The following EYA2 variants were observed in gnomAD, a reference collection of about 807,000 sequenced individuals.
EYA2 encodes the protein EYA transcriptional coactivator and phosphatase 2, also known as protein phosphatase EYA2.
Under a neutral mutation model 69.2 loss-of-function variants are expected in EYA2, and 31 were observed. The ratio of observed to expected loss-of-function variants is 0.45; its 90% CI spans 0.34 to 0.60. The LOEUF (loss-of-function observed/expected upper bound fraction) is 0.60. Among genes scored for constraint, EYA2 ranks in the 20% least tolerant of loss-of-function variants. The pLI, the probability that EYA2 is intolerant of heterozygous loss-of-function variation, is 0.02. For missense variants in EYA2, 622 were observed against 701.2 expected, an observed-to-expected ratio of 0.89 and a Z score of 1.28; for synonymous variants, 257 against 279.4, an observed-to-expected ratio of 0.92 and a Z score of 0.80.
intron 2 of EYA2, among the ~76,000 whole-genome samples, chr20:46,999,351 AC>A (rs1188857542): frequency 6.6e-6 from 1 of 152,076 alleles, no homozygotes; most frequent in Non-Finnish European, 1.5e-5. Flanking sequence ...GGTACAGGAC[AC>A]CCCGCCTAGG....
At chr20:46,978,681 A>G in intron 1 of EYA2, 1 of 534,636 alleles carries the variant, frequency 1.9e-6, no homozygotes, top group South Asian at 1.4e-5. Flanking sequence ...TGCTGCACAG[A>G]GAACAAACTG....
intron 5 of EYA2, among the ~76,000 whole-genome samples, chr20:47,024,990 C>A (rs1983995664): frequency 6.6e-6 from 1 of 152,168 alleles, no homozygotes; most frequent in Non-Finnish European, 1.5e-5. Context: ...GCCCTATCTT[C>A]TTCCTCTTCC....
At chr20:46,963,390 C>G (rs755083850) in intron 1 of EYA2, among the ~76,000 whole-genome samples, 2 of 152,220 alleles carry the variant, frequency 1.3e-5, no homozygotes, top group African/African-American at 2.4e-5. Context: ...TGAGTAGCTG[C>G]TGTGTGCCAG....
intron 1 of EYA2, among the ~76,000 whole-genome samples, chr20:46,897,429 G>T (rs1426507552): frequency 6.6e-6 from 1 of 152,210 alleles, no homozygotes; most frequent in Non-Finnish European, 1.5e-5. Context: ...CCACAAAGAA[G>T]AAACCGTTTC....
intron 1 of EYA2, among the ~76,000 whole-genome samples, chr20:46,959,569 C>T (rs1230617251): frequency 1.3e-5 from 2 of 152,212 alleles, no homozygotes; most frequent in Non-Finnish European, 1.5e-5. Flanking sequence ...CCACGGCATC[C>T]TCCTCAGCTT....
intron 12 of EYA2, among the ~76,000 whole-genome samples, chr20:47,175,497 C>T (rs2034408823): frequency 6.6e-6 from 1 of 152,122 alleles, no homozygotes; most frequent in Admixed American, 6.6e-5. Flanking sequence ...TGGTAGATGG[C>T]TAATAGTGTC....
At chr20:46,994,802 A>C (rs1254470517) in intron 2 of EYA2, among the ~76,000 whole-genome samples, 1 of 152,100 alleles carries the variant, frequency 6.6e-6, no homozygotes, top group East Asian at 1.9e-4. Context: ...CTCCACAGGT[A>C]AAGAGCTTCC....
intron 1 of EYA2, among the ~76,000 whole-genome samples, chr20:46,981,899 A>G (rs1980856533): frequency 9.2e-6 from 1 of 108,558 alleles, no homozygotes; most frequent in South Asian, 2.6e-4. Flanking sequence ...GTTTGCATTT[A>G]CTGTAACTAA....
At chr20:47,064,524 T>C (rs540203265) in intron 5 of EYA2, among the ~76,000 whole-genome samples, 1 of 152,366 alleles carries the variant, frequency 6.6e-6, no homozygotes, top group Admixed American at 6.5e-5. Flanking sequence ...CTGAGTCATA[T>C]GGTAGTTTTG....
At chr20:47,025,346 T>C (rs1358208348) in intron 5 of EYA2, among the ~76,000 whole-genome samples, 1 of 152,222 alleles carries the variant, frequency 6.6e-6, no homozygotes, top group East Asian at 1.9e-4. Context: ...GCATAACTCA[T>C]GGCCTTTCAA....
intron 10 of EYA2, among the ~76,000 whole-genome samples, chr20:47,151,803 G>A (rs2033828591): frequency 6.6e-6 from 1 of 151,964 alleles, no homozygotes. Context: ...TTCCCCACCA[G>A]CTGTGTATTC....
chr20:47,182,390 G>A (rs1018879804), intron 14 of EYA2, among the ~76,000 whole-genome samples: 2 of 147,844 alleles, frequency 1.4e-5, no homozygotes, highest in Non-Finnish European at 3.0e-5. Context: ...CACTTTGGGA[G>A]GACGAGGCAG....
intron 7 of EYA2, among the ~76,000 whole-genome samples, chr20:47,082,400 G>A (rs528648145): frequency 3.3e-5 from 5 of 151,778 alleles, no homozygotes; most frequent in African/African-American, 1.2e-4. Flanking sequence ...AGTAACTTTA[G>A]CAGTGTTGCA....
chr20:46,964,138 A>G (rs1979642552), intron 1 of EYA2, among the ~76,000 whole-genome samples: 2 of 152,238 alleles, frequency 1.3e-5, no homozygotes, highest in South Asian at 2.1e-4. Flanking sequence ...ATAAAGGTGT[A>G]CACTGCACTG....
rs752615926 is a variant in EYA2, at chr20:47,172,848, C to T, written c.1179C>T (p.Thr393=). 2.5e-6 allele frequency: 4 copies of T among 1,612,766 alleles called. No individual in the cohort carries two copies. In the African/African-American group the frequency reaches 5.3e-5, roughly 22 times the overall value. ...RYRRVKEMYN[T]YKNNVGGLIG... ...GGCGGGTGAAGGAGATGTACAATAC[C>T]TACAAGAACAACGTTGGTGGTGAGT... Residue 393 remains threonine (T), a synonymous_variant, in exon 12 of 16, where the codon ACC becomes ACT. Transcript: ENST00000327619.
chr20:46,908,139 C>G (rs1318107934), intron 1 of EYA2, among the ~76,000 whole-genome samples: 1 of 152,152 alleles, frequency 6.6e-6, no homozygotes, highest in Admixed American at 6.5e-5. Flanking sequence ...TGAGCACCTG[C>G]TGTGTGCCAG....
At chr20:47,121,863 A>G (rs1002186530) in intron 9 of EYA2, among the ~76,000 whole-genome samples, 2 of 152,122 alleles carry the variant, frequency 1.3e-5, no homozygotes, top group Non-Finnish European at 2.9e-5. Flanking sequence ...TCTAAACCCA[A>G]CTGAGCTGAC....
At chr20:47,138,029 A>T (rs1431555415) in intron 9 of EYA2, among the ~76,000 whole-genome samples, 1 of 151,880 alleles carries the variant, frequency 6.6e-6, no homozygotes, top group Non-Finnish European at 1.5e-5. Context: ...TAGGAGATAT[A>T]CCTAATGCTA....
intron 2 of EYA2, among the ~76,000 whole-genome samples, chr20:46,996,980 T>G (rs1249191739): frequency 2.0e-5 from 3 of 152,028 alleles, no homozygotes; most frequent in Admixed American, 2.0e-4. Flanking sequence ...ACTATGACAT[T>G]TGTGAGCTAC....
Sources: allele counts gnomAD v4.1 joint callset (sites outside exome capture counted in the v4.1 genomes callset), GRCh38; gene constraint gnomAD v4.1.1; transcripts MANE v1.5; gene names NCBI Gene and HGNC (gene_info 2026-07-23, HGNC 2026-07-21).